The following FARSA variants were observed in gnomAD, a reference collection of about 807,000 sequenced individuals.
The protein encoded by FARSA is phenylalanine--tRNA ligase alpha subunit.
In FARSA, 37 loss-of-function variants were observed where a neutral mutation model predicts 63.2. That is an observed-to-expected ratio of 0.59 (90% CI 0.45 to 0.77). The LOEUF is 0.77. FARSA is among the 30% of genes least tolerant of loss of function. The pLI is 0.00. For synonymous variants in FARSA, 312 were observed against 285.1 expected, an observed-to-expected ratio of 1.09 and a Z score of -0.95; for missense variants, 618 against 696.6, an observed-to-expected ratio of 0.89 and a Z score of 1.27.
chr19:12,933,457 G>A (rs1971417158), intron 1 of FARSA, 93 bp downstream of exon 1: 6 of 1,440,586 alleles, frequency 4.2e-6, no homozygotes, highest in Non-Finnish European at 5.6e-6. Context: ...CCCAAACTAG[G>A]CCTGAGGGAA....
In FARSA at chr19:12,930,655, A is replaced by G. The variant is rs1276939701; in HGVS notation, c.242T>C (p.Phe81Ser). The stretch of plus-strand genomic sequence containing the variant: ...CAGGCCCTCTGGGGGAATGCTTCGA[A>G]ACACACGGGCCTCATGGCTGCCCTC... The part of the protein sequence containing the change: ...AREGSHEARV[F>S]RSIPPEGLAQ... The change falls in exon 2 of 13, where the codon TTT becomes TCT. Residue 81 changes from phenylalanine to serine, a missense_variant. Physicochemically the swap from Phe to Ser is radical, Grantham distance 155. Transcript: ENST00000314606. 6.2e-7 allele frequency: 1 copy of G among 1,613,634 alleles called. No homozygotes were observed. Among genetic ancestry groups the G allele is most frequent in the African/African-American group, 1.3e-5 (1 of 74,924 alleles).
intron 4 of FARSA, among the ~76,000 whole-genome samples, chr19:12,929,865 A>G (rs987117893): frequency 6.6e-6 from 1 of 152,096 alleles, no homozygotes; most frequent in Non-Finnish European, 1.5e-5. Context: ...TAAACTTTGG[A>G]CCACACTAAG....
intron 7 of FARSA, 84 bp downstream of exon 7, chr19:12,928,258 A>T (rs1011396819): frequency 9.0e-7 from 1 of 1,105,760 alleles, no homozygotes; most frequent in East Asian, 2.4e-5. Flanking sequence ...ACCTAATTTG[A>T]TCAAATGGGA....
intron 2 of FARSA, 26 bp downstream of exon 2, chr19:12,930,586 C>T (rs375902613): frequency 9.3e-6 from 15 of 1,607,574 alleles, no homozygotes; most frequent in African/African-American, 1.3e-5. Flanking sequence ...CCATCACTCA[C>T]TCCCCATTCA....
At chr19:12,927,414 TAGTG>T (rs1971338875) in intron 7 of FARSA, among the ~76,000 whole-genome samples, 2 of 151,276 alleles carry the variant, frequency 1.3e-5, no homozygotes, top group African/African-American at 2.4e-5. Flanking sequence ...CTGGGCAACA[TAGTG>T]AGAACAAAAC....
rs755639983 is a variant in FARSA at position 12,924,270 on chromosome 19, A to G, written c.1274-5T>C. The G allele has an allele frequency of 6.2e-7, 1 of 1,612,546 alleles. No individual in the cohort carries two copies. The highest frequency in any genetic ancestry group is 2.2e-5 in the East Asian group (1 of 44,862). On this transcript the variant is annotated splice_region_variant and splice_polypyrimidine_tract_variant and intron_variant, in intron 11 of 12. Coordinates refer to ENST00000314606, the MANE Select transcript of FARSA (RefSeq NM_004461.3). The surrounding 1 kb of genome is among the most constrained non-coding windows in gnomAD (Gnocchi z 6.4). ...CCTCCACCCACTTCTTCAGGCCTGC[A>G]GAGGCAGGACAGAAAAGACGGGCAG...
chr19:12,923,308 T>A (rs73004683), intron 12 of FARSA, among the ~76,000 whole-genome samples: 7,933 of 152,240 alleles, frequency 0.052, 266 homozygotes, highest in Non-Finnish European at 0.077. Flanking sequence ...GTGCATTTGT[T>A]TTTTTGAAAC....
At chr19:12,925,249 A>G (rs1971314080) in intron 7 of FARSA, 75 bp from the exon 8 acceptor site, 1 of 1,278,338 alleles carries the variant, frequency 7.8e-7, no homozygotes, top group Non-Finnish European at 1.1e-6. Context: ...ACAGGGTCTC[A>G]CTGTTGTCCA....
Position 12,922,679 on chromosome 19 carries a change from T to C in FARSA, c.*69A>G, listed in dbSNP as rs1971277279. Reference sequence around the variant, plus strand: ...AGAGGCCTCATAAATACAAGGTCACTGGCCAGGGATGCAAAGGAGCGCAGC... The same window carrying C: ...AGAGGCCTCATAAATACAAGGTCACCGGCCAGGGATGCAAAGGAGCGCAGC... On this transcript the variant is annotated 3_prime_UTR_variant, in exon 13 of 13. Transcript: ENST00000314606. 4.4e-6 allele frequency: 7 copies of C among 1,592,608 alleles called. No individual in the cohort carries two copies. The African/African-American group carries it at 5.4e-5, about 12-fold the overall frequency.
At chr19:12,933,476 G>T in intron 1 of FARSA, 74 bp downstream of exon 1, 2 of 1,495,240 alleles carry the variant, frequency 1.3e-6, no homozygotes, top group South Asian at 1.2e-5. Context: ...AATTTGGCTT[G>T]GACGTAGAGC....
chr19:12,922,578 C>G lies in FARSA; in HGVS notation c.*170G>C. On this transcript the variant is annotated 3_prime_UTR_variant, in exon 13 of 13. Transcript: ENST00000314606. ...CACCACACAGGACAACAGAAGGAACCTGCTACCCAGTCCTCTGTCCCTGGG... is the reference window on the plus strand; with the variant it reads ...CACCACACAGGACAACAGAAGGAACGTGCTACCCAGTCCTCTGTCCCTGGG... The G allele has an allele frequency of 1.3e-6, 1 of 792,752 alleles. No individual in the cohort carries two copies. Among genetic ancestry groups the G allele is most frequent in the Admixed American group, 2.8e-5 (1 of 35,772 alleles). The allele number at this position is 792,752 out of a possible 1,614,324, so 49.1% of individuals were successfully genotyped here. A position where few individuals can be genotyped will look rare whatever the true frequency, so the allele number is the denominator to read the frequency against.
rs757893905 is a variant in FARSA, at chr19:12,924,985, C to G, written c.945G>C (p.Lys315Asn). ...YGSQGYKYNW[K>N]LDEARKNLLR... is the part of the protein sequence containing the mutation. ...GTAGGTTTTTCCGGGCCTCGTCCAGCTTCCAGTTATACTTGTACCTTCAGG... is the reference window on the plus strand; with the variant it reads ...GTAGGTTTTTCCGGGCCTCGTCCAGGTTCCAGTTATACTTGTACCTTCAGG... The change falls in exon 9 of 13, where the codon AAG (lysine) becomes AAC (asparagine). Residue 315 changes from lysine to asparagine, a missense_variant. Coordinates refer to ENST00000314606, the MANE Select transcript of FARSA (RefSeq NM_004461.3). The surrounding 1 kb of genome is among the most constrained non-coding windows in gnomAD (Gnocchi z 6.4). 4 of 1,614,216 alleles carry G rather than the reference C, an allele frequency of 2.5e-6. No homozygotes were observed. Among genetic ancestry groups the G allele is most frequent in the Non-Finnish European group, 3.4e-6 (4 of 1,180,028 alleles).
chr19:12,925,109 CCT>C lies in FARSA; in HGVS notation c.905_906del (p.Gln302ArgfsTer11), dbSNP rs1568443908. On this transcript the variant is annotated frameshift_variant, in exon 8 of 13. Coordinates refer to ENST00000314606, the MANE Select transcript of FARSA (RefSeq NM_004461.3). LOFTEE classifies it high-confidence loss of function. Reference sequence around the variant, plus strand: ...CCTCACCCCTGTGAGCCGTAGCCGCCCTGAGAGTGGGTCCGCTTGACCCGCTG... The same window carrying C: ...CCTCACCCCTGTGAGCCGTAGCCGCCGAGAGTGGGTCCGCTTGACCCGCTG... ...YVQRVKRTHS[Q>X]GGYGSQGYKY... 2.5e-6 allele frequency: 4 copies of C among 1,611,602 alleles called. No homozygotes were observed. The highest frequency in any genetic ancestry group is 1.7e-5 in the Admixed American group (1 of 59,754).
chr19:12,933,474 T>G (rs1226230677), intron 1 of FARSA, 76 bp downstream of exon 1: 5 of 1,495,568 alleles, frequency 3.3e-6, no homozygotes, highest in Non-Finnish European at 3.6e-6. Context: ...GGAATTTGGC[T>G]TGGACGTAGA....
intron 1 of FARSA, among the ~76,000 whole-genome samples, chr19:12,931,216 C>G (rs1056528326): frequency 6.6e-6 from 1 of 152,126 alleles, no homozygotes; most frequent in Admixed American, 6.5e-5. Context: ...CCGCCAGTCC[C>G]GAGTAGCTGG....
chr19:12,924,028 A>T lies in FARSA; in HGVS notation c.1388+123T>A. ...GCACGGGGCTGAGCATTCAGTTTGT[A>T]CTCACGATGAAAGTTTTGTCCATTG... On this transcript the variant is annotated intron_variant, in intron 12 of 12. Coordinates refer to ENST00000314606, the MANE Select transcript of FARSA (RefSeq NM_004461.3). This position sits in a 1 kb window ranked among gnomAD's most constrained non-coding sequence, Gnocchi z 6.4. 1 of 731,492 alleles carries T rather than the reference A, an allele frequency of 1.4e-6. No homozygotes were observed. Among genetic ancestry groups the T allele is most frequent in the Admixed American group, 2.1e-5 (1 of 48,718 alleles). The allele number at this position is 731,492 out of a possible 1,614,324, so 45.3% of individuals were successfully genotyped here.
intron 7 of FARSA, 149 bp from the exon 8 acceptor site, chr19:12,925,323 C>A: frequency 3.1e-6 from 2 of 649,658 alleles, no homozygotes; most frequent in Non-Finnish European, 5.4e-6. Context: ...TCAAGTGATT[C>A]TCGTGCCTCA....
chr19:12,933,507 A>T, intron 1 of FARSA, 43 bp downstream of exon 1: 1 of 1,531,054 alleles, frequency 6.5e-7, no homozygotes, highest in Non-Finnish European at 8.8e-7. Flanking sequence ...AGGGGACTGT[A>T]GGTGCAAGGG....
At position 12,924,298 on chromosome 19, in the gene FARSA, C is replaced by T. The variant is rs768924926; in HGVS notation, c.1274-33G>A. The T allele has an allele frequency of 2.1e-5, 33 of 1,591,910 alleles. No individual in the cohort carries two copies. The highest frequency in any genetic ancestry group is 2.8e-5 in the Non-Finnish European group (32 of 1,160,568). On this transcript the variant is annotated intron_variant, in intron 11 of 12. Coordinates refer to ENST00000314606, the MANE Select transcript of FARSA (RefSeq NM_004461.3). The surrounding 1 kb of genome is among the most constrained non-coding windows in gnomAD (Gnocchi z 6.4). ...GGCAGGACAGAAAAGACGGGCAGTGCGTGTTGAGTTTCTGGGCACTGCTGG... is the reference window on the plus strand; with the variant it reads ...GGCAGGACAGAAAAGACGGGCAGTGTGTGTTGAGTTTCTGGGCACTGCTGG...
Sources: allele counts gnomAD v4.1 joint callset (sites outside exome capture counted in the v4.1 genomes callset), GRCh38; gene constraint gnomAD v4.1.1; non-coding constraint Gnocchi (gnomAD v3.1); transcripts MANE v1.5; gene names NCBI Gene and HGNC (gene_info 2026-07-23, HGNC 2026-07-21).